Variants in MARK3 observed in about 807,000 individuals in gnomAD.
The protein encoded by MARK3 is MAP/microtubule affinity-regulating kinase 3.
MARK3 carries 46 observed loss-of-function variants against 90.1 expected under a neutral mutation model. The observed-to-expected ratio is 0.51, with a 90% CI of 0.40 to 0.65. The LOEUF is 0.65. MARK3 is among the 30% of genes least tolerant of loss of function. The pLI, the probability that MARK3 is intolerant of heterozygous loss-of-function variation, is 0.00. For missense variants in MARK3, 818 were observed against 947.2 expected (o/e 0.86, Z 1.79); for synonymous variants, 321 against 332.6 (o/e 0.97, Z 0.38).
intron 12 of MARK3, among the ~76,000 whole-genome samples, chr14:103,471,799 A>T (rs1410084371): frequency 6.9e-6 from 1 of 144,880 alleles, no homozygotes; most frequent in Non-Finnish European, 1.6e-5. Context: ...TGAAAAAAAA[A>T]ATCACTGTTT....
rs1372686021 is a variant in MARK3 at position 103,501,569 on chromosome 14, C to A, written c.1917-1313C>A. On this transcript the variant is annotated intron_variant, in intron 17 of 17. Transcript: ENST00000429436. ...CAAACACTCTTCCCTATCTTCATTGCATTTTGTTGAAATCCCATGGCTCTT... is the reference window on the plus strand; with the variant it reads ...CAAACACTCTTCCCTATCTTCATTGAATTTTGTTGAAATCCCATGGCTCTT... 4.6e-5 allele frequency among the ~76,000 whole-genome samples: 7 copies of A among 152,178 alleles called. No individual in the cohort carries two copies. The East Asian group carries it at 1.2e-3, about 25-fold the overall frequency.
intron 6 of MARK3, among the ~76,000 whole-genome samples, chr14:103,459,656 C>T (rs1372233612): frequency 6.8e-6 from 1 of 147,710 alleles, no homozygotes; most frequent in Non-Finnish European, 1.5e-5. Context: ...TGCACCACCA[C>T]GCCCAGCTAA....
chr14:103,432,110 T>C (rs1160220071), intron 3 of MARK3, among the ~76,000 whole-genome samples: 3 of 152,170 alleles, frequency 2.0e-5, no homozygotes, highest in Admixed American at 6.6e-5. Context: ...TAGATATGGA[T>C]GTCTCCATCC....
At chr14:103,499,855 T>C in intron 16 of MARK3, 1 of 110,406 alleles carries the variant, frequency 9.1e-6, no homozygotes, top group South Asian at 1.5e-4. Context: ...CCGCTGTGCG[T>C]GCGTGGTGTG....
chr14:103,458,193 C>T (rs1387308711), intron 6 of MARK3, among the ~76,000 whole-genome samples: 1 of 152,164 alleles, frequency 6.6e-6, no homozygotes, highest in East Asian at 1.9e-4. Context: ...TGCGATGGCT[C>T]ATGCCTGTAA....
intron 12 of MARK3, among the ~76,000 whole-genome samples, chr14:103,472,878 C>T (rs1041111052): frequency 2.7e-5 from 4 of 149,974 alleles, no homozygotes; most frequent in East Asian, 2.0e-4. Flanking sequence ...TGGTGGCAGG[C>T]GCCTGTAGTC....
Position 103,457,147 on chromosome 14 carries a change from G to T in MARK3, c.418G>T (p.Val140Leu). Residue 140 changes from valine to leucine, a missense_variant, in exon 6 of 18, where the codon GTA (valine) becomes TTA (leucine). Physicochemically the swap from Val to Leu is conservative, Grantham distance 32. This residue lies in a region of MARK3 where 101 missense variants were observed against 175.1 expected (regional missense o/e 0.58). Transcript: ENST00000429436. ...LIMEYASGGE[V>L]FDYLVAHGRM... ...TTTATTTCTCTCACCTATAGGTGAA[G>T]TATTTGACTATTTGGTTGCACATGG... is the stretch of plus-strand genomic sequence containing the variant. 1 of 1,599,970 alleles carries T rather than the reference G, an allele frequency of 6.3e-7. No individual in the cohort carries two copies.
chr14:103,478,368 C>A lies in MARK3; in HGVS notation c.1483-2019C>A, dbSNP rs116364253. Among the ~76,000 whole-genome samples the A allele has an allele frequency of 5.6e-3, 840 of 150,622 alleles. 7 individuals carry two copies. The highest frequency in any genetic ancestry group is 0.02 in the African/African-American group (804 of 41,078). The stretch of plus-strand genomic sequence containing the variant: ...CATTCCTCCTCTCCCCTCTGCCCCC[C>A]TCCCTTCCCCCTCATTCCCTGGCAA... On this transcript the variant is annotated intron_variant, in intron 13 of 17. Coordinates refer to ENST00000429436, the MANE Select transcript of MARK3 (RefSeq NM_001128918.3).
At chr14:103,471,870 T>A (rs1233315370) in intron 12 of MARK3, among the ~76,000 whole-genome samples, 3 of 152,152 alleles carry the variant, frequency 2.0e-5, no homozygotes, top group Non-Finnish European at 4.4e-5. Flanking sequence ...TTAATTTGGA[T>A]CAATTTCTCA....
intron 3 of MARK3, chr14:103,441,426 A>T (rs576358079): frequency 1.3e-5 from 2 of 152,338 alleles, no homozygotes; most frequent in East Asian, 3.9e-4. Flanking sequence ...CTGGGACTAC[A>T]GGTGCCTGCC....
At chr14:103,429,356 C>A (rs2092510301) in intron 3 of MARK3, 1 of 152,190 alleles carries the variant, frequency 6.6e-6, no homozygotes, top group Non-Finnish European at 1.5e-5. Flanking sequence ...GAGATAATTT[C>A]ATCTTCTTAT....
At chr14:103,491,106 A>G (rs1172216558) in intron 14 of MARK3, 8 of 1,254,122 alleles carry the variant, frequency 6.4e-6, no homozygotes, top group Non-Finnish European at 8.3e-6. Flanking sequence ...CTTCAAGGCT[A>G]TGTAAGAAAA....
chr14:103,475,367 C>T (rs1566912477), intron 13 of MARK3, among the ~76,000 whole-genome samples, 157 bp downstream of exon 13: 1 of 152,202 alleles, frequency 6.6e-6, no homozygotes, highest in African/African-American at 2.4e-5. Flanking sequence ...CTACCTGCTG[C>T]ATTGTAGGTA....
intron 14 of MARK3, among the ~76,000 whole-genome samples, chr14:103,484,083 CGACACTGTTTA>C (rs2093876276): frequency 6.6e-6 from 1 of 152,048 alleles, no homozygotes; most frequent in Non-Finnish European, 1.5e-5. Context: ...GATACCCGGA[CGACACTGTTTA>C]GACTACTTCA....
At chr14:103,456,082 C>A (rs7155980) in intron 5 of MARK3, among the ~76,000 whole-genome samples, 9 of 151,972 alleles carry the variant, frequency 5.9e-5, no homozygotes, top group African/African-American at 1.7e-4. Context: ...ACCTTTCTTC[C>A]CTAAATAATT....
At chr14:103,389,943 CAAAAAAAAAAAA>C (rs71126011) in intron 1 of MARK3, among the ~76,000 whole-genome samples, 1 of 29,608 alleles carries the variant, frequency 3.4e-5, no homozygotes, top group Non-Finnish European at 6.8e-5. Flanking sequence ...TACTCCGTCT[CAAAAAAAAAAAA>C]AAAAAAAAAA....
At chr14:103,428,720 A>G (rs2092488442) in intron 3 of MARK3, among the ~76,000 whole-genome samples, 1 of 152,034 alleles carries the variant, frequency 6.6e-6, no homozygotes, top group South Asian at 2.1e-4. Context: ...CTTTTTATTG[A>G]ATATTCTTAA....
At chr14:103,498,667 TGAAAG>T in intron 16 of MARK3, 139 bp downstream of exon 16, 1 of 834,580 alleles carries the variant, frequency 1.2e-6, no homozygotes, top group South Asian at 3.9e-5. Flanking sequence ...CTTAATTCCT[TGAAAG>T]GAAATTGAAA....
chr14:103,463,623 TC>T (rs2093444104), intron 7 of MARK3, among the ~76,000 whole-genome samples: 2 of 152,164 alleles, frequency 1.3e-5, no homozygotes, highest in African/African-American at 2.4e-5. Flanking sequence ...CTCTTTTATG[TC>T]CCTGTTACAC....
Sources: gnomAD v4.1 joint callset for allele counts (sites outside exome capture counted in the v4.1 genomes callset) on GRCh38, gnomAD v4.1.1 for gene constraint, gnomAD v4.1.1 regional missense constraint, MANE v1.5 for transcripts, NCBI Gene and HGNC (gene_info 2026-07-23, HGNC 2026-07-21) for gene names.